The following TGFBRAP1 variants were observed in gnomAD, a reference collection of about 807,000 sequenced individuals.
TGFBRAP1 encodes transforming growth factor beta receptor associated protein 1.
TGFBRAP1 carries 20 observed loss-of-function variants against 83.2 expected under a neutral mutation model. The ratio of observed to expected loss-of-function variants is 0.24; its 90% CI spans 0.17 to 0.35. The LOEUF (loss-of-function observed/expected upper bound fraction) is 0.35, where lower values mean the gene tolerates loss of function less well. TGFBRAP1 is among the 10% of genes least tolerant of loss of function. TGFBRAP1 has a pLI of 1.00. For missense variants in TGFBRAP1, 950 were observed against 1,099.4 expected, an observed-to-expected ratio of 0.86 and a Z score of 1.92; for synonymous variants, 415 against 459.8, an observed-to-expected ratio of 0.90 and a Z score of 1.25.
intron 11 of TGFBRAP1, chr2:105,267,957 T>A: frequency 1.1e-6 from 1 of 883,934 alleles, no homozygotes; most frequent in Non-Finnish European, 1.4e-6. Flanking sequence ...ATAAGAAAAG[T>A]AAAGCACAAA....
chr2:105,322,315 T>C (rs1385259576), intron 1 of TGFBRAP1, among the ~76,000 whole-genome samples: 1 of 152,238 alleles, frequency 6.6e-6, no homozygotes, highest in Non-Finnish European at 1.5e-5. Flanking sequence ...AGTCAAAAAG[T>C]TACAGTAAGC....
At chr2:105,302,424 G>A (rs1356625373) in intron 2 of TGFBRAP1, among the ~76,000 whole-genome samples, 1 of 152,024 alleles carries the variant, frequency 6.6e-6, no homozygotes, top group Non-Finnish European at 1.5e-5. Flanking sequence ...GACCCCAAAT[G>A]TCCATCAATA....
At chr2:105,301,544 GC>G (rs1678293173) in intron 2 of TGFBRAP1, among the ~76,000 whole-genome samples, 3 of 152,170 alleles carry the variant, frequency 2.0e-5, no homozygotes, top group African/African-American at 7.2e-5. Flanking sequence ...CCGAGATTGT[GC>G]CACTGCACTC....
chr2:105,296,586 T>A, intron 3 of TGFBRAP1, 76 bp from the exon 4 acceptor site: 1 of 1,508,390 alleles, frequency 6.6e-7, no homozygotes, highest in Non-Finnish European at 8.9e-7. Flanking sequence ...TTCCCCAAAC[T>A]GGATCATTAC....
intron 3 of TGFBRAP1, among the ~76,000 whole-genome samples, chr2:105,298,296 T>C (rs1678151190): frequency 6.6e-6 from 1 of 152,184 alleles, no homozygotes; most frequent in Non-Finnish European, 1.5e-5. Context: ...ATGGGCCTTA[T>C]TCCATCGTGA....
chr2:105,315,548 G>A (rs1573216362), intron 1 of TGFBRAP1, among the ~76,000 whole-genome samples: 1 of 152,048 alleles, frequency 6.6e-6, no homozygotes, highest in South Asian at 2.1e-4. Flanking sequence ...TTTAAAATGG[G>A]CAAATGACTC....
At chr2:105,306,699 G>A (rs1678510755) in intron 2 of TGFBRAP1, among the ~76,000 whole-genome samples, 1 of 152,112 alleles carries the variant, frequency 6.6e-6, no homozygotes, top group Non-Finnish European at 1.5e-5. Context: ...TTGGAAGGTT[G>A]AGGCAGGGAG....
In TGFBRAP1 at chr2:105,291,340, C is replaced by T. The variant is rs573851053; in HGVS notation, c.1038+5016G>A. Reference sequence around the variant, plus strand: ...AACGTACAGACACCTGGATCTTGGCCTCCAGAACTGAGAAATAAATGTTCC... The same window carrying T: ...AACGTACAGACACCTGGATCTTGGCTTCCAGAACTGAGAAATAAATGTTCC... On this transcript the variant is annotated intron_variant, in intron 4 of 11. Transcript: ENST00000393359. Among the ~76,000 whole-genome samples the T allele has an allele frequency of 3.3e-5, 5 of 152,280 alleles. No homozygotes were observed. The South Asian group carries it at 8.3e-4, about 25-fold the overall frequency.
At chr2:105,312,821 A>G (rs1678735437) in intron 1 of TGFBRAP1, among the ~76,000 whole-genome samples, 1 of 152,216 alleles carries the variant, frequency 6.6e-6, no homozygotes, top group Non-Finnish European at 1.5e-5. Context: ...AAAAGAACTG[A>G]TGACTTTTGG....
chr2:105,324,227 C>G (rs1007988034), intron 1 of TGFBRAP1: 2 of 152,140 alleles, frequency 1.3e-5, no homozygotes, highest in East Asian at 1.9e-4. Context: ...AAGACGTTAA[C>G]AAAAGAGGAA....
At chr2:105,287,285 C>T (rs1001077027) in intron 4 of TGFBRAP1, among the ~76,000 whole-genome samples, 3 of 152,038 alleles carry the variant, frequency 2.0e-5, no homozygotes, top group South Asian at 2.1e-4. Context: ...TGGGTGGTGA[C>T]GGCTGCACAG....
rs1676875507 is a variant in TGFBRAP1, at chr2:105,265,046, A to G, written c.*2337T>C. ...GTTTTAACATATGAGACAATTCTTC[A>G]TACTGTAATAGAATGCTGCTTGTGG... On this transcript the variant is annotated 3_prime_UTR_variant, in exon 12 of 12. Coordinates refer to ENST00000393359, the MANE Select transcript of TGFBRAP1 (RefSeq NM_004257.6). The G allele has an allele frequency of 6.6e-6, 1 of 152,244 alleles. No individual in the cohort carries two copies. Among genetic ancestry groups the G allele is most frequent in the Non-Finnish European group, 1.5e-5 (1 of 68,042 alleles). 9.4% of individuals were successfully genotyped at this position (152,244 alleles called of 1,614,324 possible).
At chr2:105,319,767 T>A (rs1319220663) in intron 1 of TGFBRAP1, among the ~76,000 whole-genome samples, 1 of 149,616 alleles carries the variant, frequency 6.7e-6, no homozygotes, top group Non-Finnish European at 1.5e-5. Context: ...GCATAATACA[T>A]ATATAAGATT....
the TGFBRAP1 span, among the ~76,000 whole-genome samples, chr2:105,255,244 G>A: frequency 6.6e-6 from 1 of 152,188 alleles, no homozygotes; most frequent in Non-Finnish European, 1.5e-5. Flanking sequence ...TGACCCTAGA[G>A]GACAGACTGC....
chr2:105,320,619 C>A (rs1050970709), intron 1 of TGFBRAP1, among the ~76,000 whole-genome samples: 2 of 152,114 alleles, frequency 1.3e-5, no homozygotes, highest in African/African-American at 4.8e-5. Context: ...AGAAGCACAG[C>A]CCTTAAAATT....
intron 1 of TGFBRAP1, among the ~76,000 whole-genome samples, chr2:105,326,897 C>T (rs1016924829): frequency 1.3e-5 from 2 of 152,152 alleles, no homozygotes; most frequent in African/African-American, 4.8e-5. Context: ...TCATAATTCA[C>T]TTTTCATGAG....
At chr2:105,294,627 T>C (rs1289725544) in intron 4 of TGFBRAP1, among the ~76,000 whole-genome samples, 1 of 151,834 alleles carries the variant, frequency 6.6e-6, no homozygotes, top group Admixed American at 6.6e-5. Context: ...GGGCTGGAGA[T>C]AGGAGCTTGC....
intron 1 of TGFBRAP1, among the ~76,000 whole-genome samples, chr2:105,316,454 TGTGTGTGTGCGCGCGC>T (rs1462183269): frequency 1.6e-4 from 12 of 75,772 alleles, no homozygotes; most frequent in East Asian, 3.6e-4. Context: ...TGTGTGTGTG[TGTGTGTGTGCGCGCGC>T]GCGCGCGCGC....
At chr2:105,302,110 A>G (rs1678320336) in intron 2 of TGFBRAP1, among the ~76,000 whole-genome samples, 1 of 152,156 alleles carries the variant, frequency 6.6e-6, no homozygotes, top group Admixed American at 6.5e-5. Flanking sequence ...AACCATGCAC[A>G]TAAACAAGAG....
Sources: allele counts gnomAD v4.1 joint callset (sites outside exome capture counted in the v4.1 genomes callset), GRCh38; gene constraint gnomAD v4.1.1; transcripts MANE v1.5; gene names NCBI Gene and HGNC (gene_info 2026-07-23, HGNC 2026-07-21).